EHBP1: variants seen among roughly 807,000 people sequenced by gnomAD.
The protein encoded by EHBP1 is EH domain-binding protein 1.
Under a neutral mutation model 144.0 loss-of-function variants are expected in EHBP1, and 55 were observed. That is an observed-to-expected ratio of 0.38 (90% CI 0.31 to 0.48). EHBP1 has a LOEUF of 0.48. Ranked by LOEUF, EHBP1 falls within the 20% of genes least tolerant of loss-of-function variation. The pLI, the probability that EHBP1 is intolerant of heterozygous loss-of-function variation, is 0.98. For missense variants in EHBP1, 1,200 were observed against 1,364.2 expected (o/e 0.88, Z 1.90); for synonymous variants, 469 against 472.7 (o/e 0.99, Z 0.10).
chr2:62,866,311 C>T (rs1019291641), intron 9 of EHBP1, among the ~76,000 whole-genome samples: 1 of 152,146 alleles, frequency 6.6e-6, no homozygotes, highest in Non-Finnish European at 1.5e-5. Context: ...CCAAAAACTC[C>T]AGCACACAAA....
chr2:62,739,065 A>G (rs2038429957), intron 2 of EHBP1, among the ~76,000 whole-genome samples: 1 of 152,224 alleles, frequency 6.6e-6, no homozygotes. Context: ...AAAGCACTCC[A>G]CTAAGCACTT....
intron 10 of EHBP1, among the ~76,000 whole-genome samples, chr2:62,911,417 T>C (rs2054206769): frequency 6.6e-6 from 1 of 152,170 alleles, no homozygotes. Context: ...GAATGTTTTC[T>C]TGGTTATTTT....
intron 10 of EHBP1, among the ~76,000 whole-genome samples, chr2:62,889,859 G>A (rs2052300001): frequency 6.6e-6 from 1 of 151,618 alleles, no homozygotes; most frequent in Non-Finnish European, 1.5e-5. Context: ...TAGCCCTGTA[G>A]TATAGTTTGA....
intron 5 of EHBP1, among the ~76,000 whole-genome samples, chr2:62,820,902 G>T (rs2152568316): frequency 6.6e-6 from 1 of 150,790 alleles, no homozygotes; most frequent in East Asian, 1.9e-4. Flanking sequence ...CAATTTGGGA[G>T]GGGACATGCA....
At chr2:63,006,214 A>G (rs902832783) in intron 19 of EHBP1, among the ~76,000 whole-genome samples, 3 of 152,036 alleles carry the variant, frequency 2.0e-5, no homozygotes, top group African/African-American at 7.2e-5. Flanking sequence ...AATGTCAGTC[A>G]GTGAAACATT....
chr2:62,840,623 G>T (rs1482312385), intron 7 of EHBP1, among the ~76,000 whole-genome samples: 1 of 151,790 alleles, frequency 6.6e-6, no homozygotes. Context: ...AATCTACAGT[G>T]AACACAAACA....
intron 19 of EHBP1, among the ~76,000 whole-genome samples, chr2:63,013,383 A>G (rs1330249138): frequency 2.6e-5 from 4 of 152,212 alleles, no homozygotes; most frequent in African/African-American, 9.7e-5. Context: ...ATTCACACAC[A>G]GTCCTTTCCT....
At chr2:62,858,597 C>T in intron 7 of EHBP1, 1 of 861,496 alleles carries the variant, frequency 1.2e-6, no homozygotes, top group East Asian at 2.5e-5. Flanking sequence ...CTGTATTTAT[C>T]TGTCAGTTTT....
intron 3 of EHBP1, among the ~76,000 whole-genome samples, chr2:62,761,363 C>T (rs1036355591): frequency 2.0e-4 from 31 of 152,056 alleles, no homozygotes; most frequent in African/African-American, 7.5e-4. Context: ...AGTTTTGTGA[C>T]AGGGTGGCAA....
intron 3 of EHBP1, among the ~76,000 whole-genome samples, chr2:62,761,972 G>A (rs934320186): frequency 5.3e-5 from 8 of 151,926 alleles, no homozygotes; most frequent in African/African-American, 4.8e-5. Flanking sequence ...CTTTGTTCTC[G>A]TCACTTTACT....
At chr2:62,753,362 G>A (rs925973269) in intron 3 of EHBP1, among the ~76,000 whole-genome samples, 2 of 152,052 alleles carry the variant, frequency 1.3e-5, no homozygotes, top group Non-Finnish European at 1.5e-5. Context: ...AGTTTCTGCC[G>A]AGAGATCTGC....
chr2:63,019,852 GA>G (rs2060642515), intron 19 of EHBP1, among the ~76,000 whole-genome samples: 2 of 128,788 alleles, frequency 1.6e-5, no homozygotes, highest in African/African-American at 5.7e-5. Flanking sequence ...AGGAAGGAAG[GA>G]AGGAAGGAAG....
rs540252153 is a variant in EHBP1 at position 62,912,206 on chromosome 2, A to AT, written c.1186-30505dup. 3.2e-4 allele frequency among the ~76,000 whole-genome samples: 48 copies of AT among 152,186 alleles called. 2 individuals carry two copies. In the East Asian group the frequency reaches 7.2e-3, roughly 23 times the overall value. On this transcript the variant is annotated intron_variant, in intron 10 of 22. Transcript: ENST00000431489. Reference sequence around the variant, plus strand: ...TCACATTAAATCCTATGTTGTTGTGATTTTTTTCCTATGATATTCAATAGA... The same window carrying AT: ...TCACATTAAATCCTATGTTGTTGTGATTTTTTTTCCTATGATATTCAATAGA...
At chr2:63,031,999 T>C (rs2061269434) in intron 19 of EHBP1, among the ~76,000 whole-genome samples, 1 of 152,160 alleles carries the variant, frequency 6.6e-6, no homozygotes, top group Non-Finnish European at 1.5e-5. Context: ...GTTATATTTT[T>C]TTCCGTAATG....
At chr2:62,899,067 A>T (rs944972050) in intron 10 of EHBP1, among the ~76,000 whole-genome samples, 19 of 152,212 alleles carry the variant, frequency 1.2e-4, no homozygotes, top group Non-Finnish European at 1.6e-4. Context: ...AAAAATGCAA[A>T]CTATAAGAAA....
chr2:62,969,109 A>G (rs970681837), intron 14 of EHBP1, among the ~76,000 whole-genome samples: 4 of 152,210 alleles, frequency 2.6e-5, no homozygotes, highest in African/African-American at 9.6e-5. Context: ...TGGAGGCTCA[A>G]ACTATTTCTG....
intron 5 of EHBP1, among the ~76,000 whole-genome samples, chr2:62,796,250 T>TA (rs537564382): frequency 5.7e-4 from 86 of 152,136 alleles, no homozygotes; most frequent in Middle Eastern, 3.4e-3. Flanking sequence ...TGCCTAGAAA[T>TA]ATGCATAAAA....
intron 15 of EHBP1, among the ~76,000 whole-genome samples, chr2:62,987,403 C>T (rs990221381): frequency 6.6e-6 from 1 of 152,152 alleles, no homozygotes; most frequent in Non-Finnish European, 1.5e-5. Context: ...ATTGTATATG[C>T]TAGTCTCACT....
chr2:62,933,482 G>A (rs2056160210), intron 10 of EHBP1, among the ~76,000 whole-genome samples: 1 of 152,052 alleles, frequency 6.6e-6, no homozygotes, highest in Non-Finnish European at 1.5e-5. Context: ...ACCATACATT[G>A]GCCTATGTGG....
Sources: allele counts gnomAD v4.1 joint callset (sites outside exome capture counted in the v4.1 genomes callset), GRCh38; gene constraint gnomAD v4.1.1; transcripts MANE v1.5; gene names NCBI Gene and HGNC (gene_info 2026-07-23, HGNC 2026-07-21).